The following EDIL3 variants were observed in gnomAD, a reference collection of about 807,000 sequenced individuals.
The protein encoded by EDIL3 is EGF like and discoidin domains 3.
In EDIL3, 37 loss-of-function variants were observed where a neutral mutation model predicts 67.4. The ratio of observed to expected loss-of-function variants is 0.55; its 90% CI spans 0.42 to 0.72. The LOEUF is 0.72. Among genes scored for constraint, EDIL3 ranks in the 30% least tolerant of loss-of-function variants. EDIL3 has a pLI of 0.00. For missense variants in EDIL3, 527 were observed against 586.3 expected (o/e 0.90, Z 1.04); for synonymous variants, 195 against 196.3 (o/e 0.99, Z 0.05).
intron 1 of EDIL3, among the ~76,000 whole-genome samples, chr5:84,277,547 AGTT>A (rs1439682812): frequency 6.6e-6 from 1 of 152,232 alleles, no homozygotes; most frequent in Non-Finnish European, 1.5e-5. Context: ...TAGCTACACC[AGTT>A]GTTAAGATCA....
chr5:84,008,540 T>C (rs1398130820), intron 9 of EDIL3, among the ~76,000 whole-genome samples: 1 of 152,080 alleles, frequency 6.6e-6, no homozygotes, highest in Admixed American at 6.6e-5. Flanking sequence ...CCTCCTTTGA[T>C]GGGCAGAGGA....
chr5:84,121,590 T>TC (rs1429132257), intron 5 of EDIL3, among the ~76,000 whole-genome samples: 3 of 151,804 alleles, frequency 2.0e-5, no homozygotes, highest in Non-Finnish European at 4.4e-5. Context: ...CATTTTTTTT[T>TC]CAATAGGTCC....
intron 3 of EDIL3, among the ~76,000 whole-genome samples, chr5:84,189,823 CTGTG>C (rs1743541181): frequency 6.6e-6 from 1 of 151,944 alleles, no homozygotes; most frequent in Non-Finnish European, 1.5e-5. Context: ...TATTTGCTGA[CTGTG>C]TGATGTTATG....
chr5:84,317,349 T>C (rs1746535255), intron 1 of EDIL3, among the ~76,000 whole-genome samples: 1 of 151,602 alleles, frequency 6.6e-6, no homozygotes, highest in African/African-American at 2.4e-5. Context: ...ATCAACAAAA[T>C]AGATAGACTG....
rs964741205 is a variant in EDIL3 at position 84,114,035 on chromosome 5, C to G, written c.470-7205G>C. On this transcript the variant is annotated intron_variant, in intron 5 of 10. Coordinates refer to ENST00000296591, the MANE Select transcript of EDIL3 (RefSeq NM_005711.5). The stretch of plus-strand genomic sequence containing the variant: ...CTTGGACAACAGCCTTTCTTTTATT[C>G]CTAGCATTTGTTTTATTTTAGAGTT... 2.0e-5 allele frequency among the ~76,000 whole-genome samples: 3 copies of G among 151,922 alleles called. No individual in the cohort carries two copies. In the East Asian group the frequency reaches 5.8e-4, roughly 29 times the overall value.
chr5:84,238,479 G>A (rs1263465627), intron 2 of EDIL3, among the ~76,000 whole-genome samples: 1 of 151,936 alleles, frequency 6.6e-6, no homozygotes, highest in Middle Eastern at 3.2e-3. Flanking sequence ...ATTTTGGTCA[G>A]GGGGAGTTAT....
At position 84,356,889 on chromosome 5, in the gene EDIL3, C is replaced by CTTTTTTTTTTTTT. The variant is rs1189590387; in HGVS notation, c.67+27406_67+27418dup. ...GACCTTGAGAAAACAATCTTTCTTT[C>CTTTTTTTTTTTTT]TTTTTTTTTTTTTTTTTTTTTTTTT... On this transcript the variant is annotated intron_variant, in intron 1 of 10. Coordinates refer to ENST00000296591, the MANE Select transcript of EDIL3 (RefSeq NM_005711.5). Among the ~76,000 whole-genome samples the CTTTTTTTTTTTTT allele has an allele frequency of 1.2e-4, 4 of 32,092 alleles. 1 individual carries two copies. Among genetic ancestry groups the CTTTTTTTTTTTTT allele is most frequent in the African/African-American group, 3.3e-4 (3 of 9,192 alleles). 21.1% of individuals were successfully genotyped at this position (32,092 alleles called of 152,430 possible).
At chr5:84,318,305 A>C (rs1323178326) in intron 1 of EDIL3, among the ~76,000 whole-genome samples, 1 of 152,190 alleles carries the variant, frequency 6.6e-6, no homozygotes, top group Non-Finnish European at 1.5e-5. Flanking sequence ...GGAAAAAACT[A>C]CTTTGAATTT....
chr5:84,351,627 C>T (rs547108164), intron 1 of EDIL3, among the ~76,000 whole-genome samples: 1 of 152,136 alleles, frequency 6.6e-6, no homozygotes, highest in African/African-American at 2.4e-5. Flanking sequence ...GTATTGGACA[C>T]TCAGTTGCAT....
intron 9 of EDIL3, among the ~76,000 whole-genome samples, chr5:84,040,051 C>T (rs1294440806): frequency 6.6e-6 from 1 of 152,050 alleles, no homozygotes; most frequent in East Asian, 1.9e-4. Context: ...TACTATTATT[C>T]CTATTTAGCA....
rs142735482 is a variant in EDIL3, at chr5:84,028,591, G to A, written c.1137+31709C>T. 1.5e-4 allele frequency among the ~76,000 whole-genome samples: 23 copies of A among 151,782 alleles called. 1 individual carries two copies. In the East Asian group the frequency reaches 3.3e-3, roughly 22 times the overall value. On this transcript the variant is annotated intron_variant, in intron 9 of 10. Coordinates refer to ENST00000296591, the MANE Select transcript of EDIL3 (RefSeq NM_005711.5). ...CACATACACACAGACACACACACAC[G>A]TGACATAATCAATGGATACTTTATT...
chr5:84,197,919 A>G (rs1743746347), intron 3 of EDIL3, among the ~76,000 whole-genome samples: 1 of 152,042 alleles, frequency 6.6e-6, no homozygotes, highest in Non-Finnish European at 1.5e-5. Flanking sequence ...GAAGTGTAGG[A>G]TTAGCTACTT....
At chr5:84,353,973 A>G (rs1018247582) in intron 1 of EDIL3, among the ~76,000 whole-genome samples, 4 of 152,180 alleles carry the variant, frequency 2.6e-5, no homozygotes, top group African/African-American at 9.6e-5. Context: ...TCCTCTCTTC[A>G]CTAGTTACCA....
chr5:84,252,543 A>G (rs1204508150), intron 2 of EDIL3, among the ~76,000 whole-genome samples: 2 of 147,260 alleles, frequency 1.4e-5, no homozygotes, highest in Admixed American at 1.4e-4. Context: ...TGATTTCTTA[A>G]TCATTTACCT....
At chr5:84,147,597 G>A (rs1338202649) in intron 4 of EDIL3, among the ~76,000 whole-genome samples, 2 of 152,078 alleles carry the variant, frequency 1.3e-5, no homozygotes, top group Non-Finnish European at 2.9e-5. Context: ...TGGAAGTGGA[G>A]AGTGGAAAGG....
intron 9 of EDIL3, among the ~76,000 whole-genome samples, chr5:83,976,349 AG>A (rs1744876719): frequency 6.6e-6 from 1 of 151,858 alleles, no homozygotes; most frequent in Non-Finnish European, 1.5e-5. Context: ...TTTTCTGGAA[AG>A]CTTTCATGTC....
At chr5:84,103,981 T>C (rs114536285) in intron 6 of EDIL3, among the ~76,000 whole-genome samples, 305 of 152,196 alleles carry the variant, frequency 2.0e-3, no homozygotes, top group South Asian at 4.8e-3. Flanking sequence ...TGCCAATCAA[T>C]TGTAGACTGG....
At chr5:84,210,108 A>C (rs1222824306) in intron 3 of EDIL3, among the ~76,000 whole-genome samples, 1 of 152,224 alleles carries the variant, frequency 6.6e-6, no homozygotes, top group Non-Finnish European at 1.5e-5. Context: ...AATAGTTTAA[A>C]AGTTCATGTG....
chr5:84,342,085 A>G (rs112385309), intron 1 of EDIL3, among the ~76,000 whole-genome samples: 2,799 of 152,204 alleles, frequency 0.018, 98 homozygotes, highest in African/African-American at 0.063. Flanking sequence ...ATTCACAACA[A>G]CAAAGATACG....
Sources: allele counts gnomAD v4.1 joint callset (sites outside exome capture counted in the v4.1 genomes callset), GRCh38; gene constraint gnomAD v4.1.1; transcripts MANE v1.5; gene names NCBI Gene and HGNC (gene_info 2026-07-23, HGNC 2026-07-21).